G2E3: variants seen among roughly 807,000 people sequenced by gnomAD.
The protein encoded by G2E3 is G2/M-phase specific E3 ubiquitin protein ligase.
A neutral mutation model predicts 92.8 loss-of-function variants in G2E3; 35 were observed. The observed-to-expected ratio is 0.38, with a 90% CI of 0.29 to 0.50. G2E3 has a LOEUF of 0.50. Among genes scored for constraint, G2E3 ranks in the 20% least tolerant of loss-of-function variants. The probability of loss-of-function intolerance (pLI) is 0.94; values close to 1 mark genes in which losing one functional copy is unlikely to be tolerated. For synonymous variants in G2E3, 242 were observed against 272.4 expected, an observed-to-expected ratio of 0.89 and a Z score of 1.10; for missense variants, 554 against 823.8, an observed-to-expected ratio of 0.67 and a Z score of 4.01.
intron 1 of G2E3, among the ~76,000 whole-genome samples, chr14:30,565,887 C>T (rs1879403113): frequency 6.6e-6 from 1 of 151,868 alleles, no homozygotes; most frequent in Admixed American, 6.6e-5. Context: ...TGGTCTTGAT[C>T]TCCTGACCTC....
chr14:30,593,766 T>G (rs1881135508), intron 6 of G2E3, 127 bp downstream of exon 6: 1 of 654,326 alleles, frequency 1.5e-6, no homozygotes, highest in East Asian at 3.0e-5. Context: ...AAAACAGCTT[T>G]AAAGCACTTA....
At chr14:30,604,559 C>T (rs1472758248) in intron 10 of G2E3, among the ~76,000 whole-genome samples, 1 of 152,066 alleles carries the variant, frequency 6.6e-6, no homozygotes, top group East Asian at 1.9e-4. Flanking sequence ...CAGTAATTTG[C>T]ATTTCTAACA....
intron 11 of G2E3, 22 bp downstream of exon 11, chr14:30,605,834 G>T: frequency 7.9e-7 from 1 of 1,268,104 alleles, no homozygotes. Context: ...ATTTATTGTT[G>T]TATATACCAA....
chr14:30,564,239 A>G (rs1043692887), intron 1 of G2E3, among the ~76,000 whole-genome samples: 25 of 152,258 alleles, frequency 1.6e-4, no homozygotes, highest in African/African-American at 6.0e-4. Context: ...GTTTCTGTTG[A>G]CCTTTGTGTA....
In G2E3 at chr14:30,602,134, A is replaced by G; in HGVS notation, c.1010+3A>G. The stretch of plus-strand genomic sequence containing the variant: ...TCCCAGAGTAAAGATCTACTGAGGT[A>G]TGTATTTTGAATTGGAGAAATACAT... On this transcript the variant is annotated splice_donor_region_variant and intron_variant, in intron 10 of 14. Coordinates refer to ENST00000206595, the MANE Select transcript of G2E3 (RefSeq NM_017769.5). 1 of 1,589,708 alleles carries G rather than the reference A, an allele frequency of 6.3e-7. No homozygotes were observed. Among genetic ancestry groups the G allele is most frequent in the African/African-American group, 1.4e-5 (1 of 73,610 alleles).
chr14:30,566,101 T>G (rs1879421108), intron 1 of G2E3, among the ~76,000 whole-genome samples: 1 of 152,354 alleles, frequency 6.6e-6, no homozygotes, highest in African/African-American at 2.4e-5. Context: ...TGACTCTTTC[T>G]TCTTTTCTAT....
At chr14:30,604,724 A>G (rs1470715568) in intron 10 of G2E3, among the ~76,000 whole-genome samples, 1 of 152,320 alleles carries the variant, frequency 6.6e-6, no homozygotes. Context: ...TTTAAAATAT[A>G]TTGTGTAATC....
intron 1 of G2E3, among the ~76,000 whole-genome samples, chr14:30,568,513 A>G (rs1018217805): frequency 5.3e-5 from 8 of 151,920 alleles, no homozygotes; most frequent in African/African-American, 1.7e-4. Context: ...ATTGATTTGT[A>G]TAGTGTACCA....
chr14:30,591,032 T>A, intron 4 of G2E3: 1 of 186,936 alleles, frequency 5.3e-6, no homozygotes, highest in South Asian at 1.0e-4. Context: ...GAAAGTTTCC[T>A]ATTTTGAAGC....
At chr14:30,575,271 TG>T (rs1218398286) in intron 1 of G2E3, among the ~76,000 whole-genome samples, 1 of 152,184 alleles carries the variant, frequency 6.6e-6, no homozygotes, top group African/African-American at 2.4e-5. Context: ...TTAATGGGGT[TG>T]TTTTTTTCTT....
chr14:30,576,888 G>A (rs1489016360), intron 1 of G2E3, among the ~76,000 whole-genome samples: 2 of 152,068 alleles, frequency 1.3e-5, no homozygotes, highest in Non-Finnish European at 2.9e-5. Flanking sequence ...CATGTTTTCT[G>A]TATATTCAAT....
At chr14:30,577,223 C>CAAAAAAAAAAA (rs59757142) in intron 1 of G2E3, among the ~76,000 whole-genome samples, 1 of 80,774 alleles carries the variant, frequency 1.2e-5, no homozygotes, top group Non-Finnish European at 2.6e-5. Context: ...GACTCTGTCT[C>CAAAAAAAAAAA]AAAAAAAAAA....
chr14:30,560,696 C>A, intron 1 of G2E3: 1 of 647,484 alleles, frequency 1.5e-6, no homozygotes, highest in East Asian at 2.7e-5. Flanking sequence ...TTTGCTCTTT[C>A]TTAAATCAGT....
chr14:30,582,590 A>G (rs922248165), intron 2 of G2E3, among the ~76,000 whole-genome samples: 12 of 152,352 alleles, frequency 7.9e-5, no homozygotes, highest in Middle Eastern at 3.4e-3. Flanking sequence ...CTAATTCTAC[A>G]TAATTCTCTT....
intron 1 of G2E3, chr14:30,560,923 G>A: frequency 1.6e-6 from 1 of 634,224 alleles, no homozygotes; most frequent in East Asian, 2.8e-5. Flanking sequence ...TAAAGACATG[G>A]AACTGGGGCC....
intron 3 of G2E3, 101 bp downstream of exon 3, chr14:30,586,916 C>T (rs892498395): frequency 1.6e-5 from 7 of 428,360 alleles, no homozygotes; most frequent in Non-Finnish European, 2.1e-5. Context: ...CATTTAACTT[C>T]TCCAGATCTC....
chr14:30,577,172 C>T (rs1473613324), intron 1 of G2E3, among the ~76,000 whole-genome samples: 1 of 142,914 alleles, frequency 7.0e-6, no homozygotes, highest in Non-Finnish European at 1.5e-5. Context: ...TTGCAGTGAG[C>T]CGAGATTGCG....
chr14:30,584,667 G>A (rs1166312307), intron 2 of G2E3, among the ~76,000 whole-genome samples: 1 of 151,824 alleles, frequency 6.6e-6, no homozygotes, highest in South Asian at 2.1e-4. Context: ...GTGTTTAATG[G>A]CTCTTTGTAT....
chr14:30,586,293 G>A (rs1880710414), intron 2 of G2E3, among the ~76,000 whole-genome samples: 1 of 152,120 alleles, frequency 6.6e-6, no homozygotes, highest in African/African-American at 2.4e-5. Flanking sequence ...TGGGCAGTGG[G>A]GAATGGTAGG....
Sources: allele counts gnomAD v4.1 joint callset (sites outside exome capture counted in the v4.1 genomes callset), GRCh38; gene constraint gnomAD v4.1.1; transcripts MANE v1.5; gene names NCBI Gene and HGNC (gene_info 2026-07-23, HGNC 2026-07-21).